SETBP1: variants seen among roughly 807,000 people sequenced by gnomAD.
SETBP1 encodes the protein SET binding protein 1.
Under a neutral mutation model 101.0 loss-of-function variants are expected in SETBP1, and 9 were observed. That is an observed-to-expected ratio of 0.09 (90% confidence interval 0.05 to 0.16). The LOEUF (loss-of-function observed/expected upper bound fraction) is 0.16. Ranked by LOEUF, SETBP1 falls within the 10% of genes least tolerant of loss-of-function variation. The probability of loss-of-function intolerance (pLI) is 1.00; values close to 1 mark genes in which losing one functional copy is unlikely to be tolerated. For missense variants in SETBP1, 1,858 were observed against 2,033.8 expected (o/e 0.91, Z 1.66); for synonymous variants, 818 against 788.5 (o/e 1.04, Z -0.63).
chr18:44,747,097 T>A (rs753486008), intron 2 of SETBP1, among the ~76,000 whole-genome samples: 3 of 152,200 alleles, frequency 2.0e-5, no homozygotes, highest in Non-Finnish European at 2.9e-5. Context: ...GGAAGCTGCA[T>A]GTGAATGGAG....
intron 2 of SETBP1, among the ~76,000 whole-genome samples, chr18:44,710,380 G>A (rs1167271946): frequency 6.6e-6 from 1 of 151,148 alleles, no homozygotes; most frequent in Admixed American, 6.6e-5. Flanking sequence ...TGAGGCCTTG[G>A]TTCAGGTTCC....
intron 3 of SETBP1, among the ~76,000 whole-genome samples, chr18:44,924,815 A>C (rs2070662075): frequency 6.6e-6 from 1 of 152,192 alleles, no homozygotes; most frequent in African/African-American, 2.4e-5. Flanking sequence ...TAACTGATTA[A>C]GCTAGATACC....
chr18:44,789,169 G>A (rs773606766), intron 2 of SETBP1, among the ~76,000 whole-genome samples: 3 of 152,002 alleles, frequency 2.0e-5, no homozygotes, highest in Non-Finnish European at 2.9e-5. Context: ...TTTTTGACTC[G>A]TTTTAGTGAC....
At chr18:45,005,642 C>A (rs1016246695) in intron 4 of SETBP1, among the ~76,000 whole-genome samples, 1 of 142,712 alleles carries the variant, frequency 7.0e-6, no homozygotes, top group African/African-American at 2.6e-5. Context: ...TTAAAATCTT[C>A]CTTTTTTTTT....
At chr18:44,873,770 G>A (rs2069333518) in intron 3 of SETBP1, among the ~76,000 whole-genome samples, 1 of 152,130 alleles carries the variant, frequency 6.6e-6, no homozygotes, top group South Asian at 2.1e-4. Context: ...TTTAAAGTCT[G>A]AAAAATAAAT....
At chr18:45,017,815 C>G (rs574806197) in intron 4 of SETBP1, among the ~76,000 whole-genome samples, 1 of 152,374 alleles carries the variant, frequency 6.6e-6, no homozygotes, top group East Asian at 1.9e-4. Context: ...CACTGCGTCC[C>G]TACCTCACTT....
chr18:44,916,222 T>C (rs918025720), intron 3 of SETBP1, among the ~76,000 whole-genome samples: 3 of 152,144 alleles, frequency 2.0e-5, no homozygotes, highest in Non-Finnish European at 4.4e-5. Context: ...CAAGACTCTG[T>C]CTCAAAAAAA....
intron 4 of SETBP1, among the ~76,000 whole-genome samples, chr18:44,954,013 A>T (rs887043817): frequency 6.6e-6 from 1 of 152,198 alleles, no homozygotes; most frequent in Non-Finnish European, 1.5e-5. Flanking sequence ...GGAAGGTGAT[A>T]TGTGCCTCCT....
At chr18:44,901,062 T>C (rs1273554691) in intron 3 of SETBP1, among the ~76,000 whole-genome samples, 2 of 152,248 alleles carry the variant, frequency 1.3e-5, no homozygotes, top group Non-Finnish European at 2.9e-5. Flanking sequence ...GTCTTTAATA[T>C]ATAAAACAGA....
intron 2 of SETBP1, among the ~76,000 whole-genome samples, chr18:44,744,914 G>T (rs1181023767): frequency 2.0e-5 from 3 of 152,190 alleles, no homozygotes; most frequent in Non-Finnish European, 4.4e-5. Context: ...GTGGCGGGAT[G>T]TCGGATTGAT....
intron 2 of SETBP1, among the ~76,000 whole-genome samples, chr18:44,866,149 C>G (rs994604210): frequency 2.0e-5 from 3 of 152,188 alleles, no homozygotes; most frequent in African/African-American, 2.4e-5. Flanking sequence ...TAAATTTAAC[C>G]TCCAATTTCT....
At chr18:45,045,146 C>T (rs1049795764) in intron 5 of SETBP1, among the ~76,000 whole-genome samples, 2 of 151,874 alleles carry the variant, frequency 1.3e-5, no homozygotes, top group African/African-American at 4.8e-5. Context: ...AAATACAGGC[C>T]AGGCACAGTG....
At chr18:45,051,948 C>A (rs546231210) in intron 5 of SETBP1, among the ~76,000 whole-genome samples, 9 of 152,304 alleles carry the variant, frequency 5.9e-5, no homozygotes, top group Non-Finnish European at 7.4e-5. Context: ...TGATTTGAAT[C>A]TCCAAAAACA....
chr18:44,725,813 C>G (rs1040336464), intron 2 of SETBP1, among the ~76,000 whole-genome samples: 1 of 152,278 alleles, frequency 6.6e-6, no homozygotes, highest in Admixed American at 6.5e-5. Flanking sequence ...TACCTCCCCC[C>G]TCCAACTCCG....
chr18:45,014,765 G>T (rs2072908306), intron 4 of SETBP1, among the ~76,000 whole-genome samples: 1 of 152,094 alleles, frequency 6.6e-6, no homozygotes, highest in African/African-American at 2.4e-5. Context: ...CTGTGCCTCA[G>T]TTTCCTCCTC....
chr18:44,940,142 A>T (rs1041797310), intron 3 of SETBP1, among the ~76,000 whole-genome samples: 2 of 152,208 alleles, frequency 1.3e-5, no homozygotes, highest in Non-Finnish European at 2.9e-5. Flanking sequence ...ATCTCTGGGA[A>T]TGCTTTTTAC....
chr18:44,969,338 CTTG>C (rs1166062190), intron 4 of SETBP1, among the ~76,000 whole-genome samples: 2 of 152,018 alleles, frequency 1.3e-5, no homozygotes, highest in African/African-American at 4.8e-5. Flanking sequence ...TTTGTATTTC[CTTG>C]TTATTAAAAA....
At chr18:44,764,021 C>T (rs1030850769) in intron 2 of SETBP1, among the ~76,000 whole-genome samples, 5 of 152,182 alleles carry the variant, frequency 3.3e-5, no homozygotes, top group East Asian at 1.9e-4. Context: ...AACTAATATC[C>T]GTTGTGTTTT....
chr18:45,028,147 G>A (rs1267877873), intron 4 of SETBP1, among the ~76,000 whole-genome samples: 1 of 148,638 alleles, frequency 6.7e-6, no homozygotes, highest in African/African-American at 2.5e-5. Context: ...ATCTCCTAAA[G>A]CTATCCCTCC....
Sources: gnomAD v4.1 joint callset for allele counts (sites outside exome capture counted in the v4.1 genomes callset) on GRCh38, gnomAD v4.1.1 for gene constraint, MANE v1.5 for transcripts, NCBI Gene and HGNC (gene_info 2026-07-23, HGNC 2026-07-21) for gene names.